Variants in DSCAML1 observed in about 807,000 individuals in gnomAD.
DSCAML1 encodes DS cell adhesion molecule like 1.
A neutral mutation model predicts 200.5 loss-of-function variants in DSCAML1; 38 were observed. That is an observed-to-expected ratio of 0.19 (90% CI 0.15 to 0.25). The LOEUF is 0.25. Ranked by LOEUF, DSCAML1 falls within the 10% of genes least tolerant of loss-of-function variation. The pLI, the probability that DSCAML1 is intolerant of heterozygous loss-of-function variation, is 1.00. For synonymous variants in DSCAML1, 1,215 were observed against 1,165.0 expected, an observed-to-expected ratio of 1.04 and a Z score of -0.87; for missense variants, 2,223 against 2,858.8, an observed-to-expected ratio of 0.78 and a Z score of 5.07.
chr11:117,692,579 C>T (rs925518333), intron 3 of DSCAML1, among the ~76,000 whole-genome samples: 29 of 152,188 alleles, frequency 1.9e-4, no homozygotes, highest in Admixed American at 7.8e-4. Flanking sequence ...TATGCAGACA[C>T]GTAGAGTCAT....
At chr11:117,738,594 G>A (rs991390622) in intron 3 of DSCAML1, among the ~76,000 whole-genome samples, 7 of 152,196 alleles carry the variant, frequency 4.6e-5, no homozygotes, top group African/African-American at 1.7e-4. Flanking sequence ...ATGGATGACT[G>A]GACTCATGCC....
chr11:117,716,743 T>C (rs1455748715), intron 3 of DSCAML1, among the ~76,000 whole-genome samples: 1 of 152,200 alleles, frequency 6.6e-6, no homozygotes, highest in Admixed American at 6.5e-5. Context: ...AGGAGATTAT[T>C]TCATGACACA....
At chr11:117,599,875 T>G (rs2051433096) in intron 3 of DSCAML1, among the ~76,000 whole-genome samples, 1 of 152,208 alleles carries the variant, frequency 6.6e-6, no homozygotes, top group Non-Finnish European at 1.5e-5. Flanking sequence ...CTGGCTGCCC[T>G]GACTCCAGGA....
intron 3 of DSCAML1, among the ~76,000 whole-genome samples, chr11:117,557,983 C>T (rs1273554212): frequency 6.6e-6 from 1 of 151,964 alleles, no homozygotes; most frequent in South Asian, 2.1e-4. Context: ...CCTACAAGCC[C>T]GGGATAGCAA....
In DSCAML1 at chr11:117,514,588, T is replaced by C. The variant is rs1420384497; in HGVS notation, c.1783+1879A>G. 1.2e-3 allele frequency among the ~76,000 whole-genome samples: 174 copies of C among 139,960 alleles called. 3 individuals are homozygous for C. Among genetic ancestry groups the C allele is most frequent in the Non-Finnish European group, 2.0e-3 (129 of 65,274 alleles). The allele number at this position is 139,960 out of a possible 152,430, so 91.8% of individuals were successfully genotyped here. A position where few individuals can be genotyped will look rare whatever the true frequency, so the allele number is the denominator to read the frequency against. On this transcript the variant is annotated intron_variant, in intron 8 of 32. Transcript: ENST00000651296. ...TTTCTTTTTCTTTTTTTTTTTTTTTTTTTTTTTTTTTGAGATGGAGTTTCA... is the reference window on the plus strand; with the variant it reads ...TTTCTTTTTCTTTTTTTTTTTTTTTCTTTTTTTTTTTGAGATGGAGTTTCA...
chr11:117,652,397 G>A (rs563270806), intron 3 of DSCAML1, among the ~76,000 whole-genome samples: 5 of 152,318 alleles, frequency 3.3e-5, no homozygotes, highest in South Asian at 2.1e-4. Context: ...ACTAGAGGGC[G>A]GCGTAGCCCC....
At chr11:117,681,954 A>G (rs1325664409) in intron 3 of DSCAML1, among the ~76,000 whole-genome samples, 1 of 152,170 alleles carries the variant, frequency 6.6e-6, no homozygotes, top group East Asian at 1.9e-4. Context: ...CCGCTTGGGA[A>G]CCACAGTGAA....
rs2048937797 is a variant in DSCAML1, at chr11:117,482,117, T to C, written c.2405A>G (p.Lys802Arg). ...TSHPNTTIAI[K>R]GHAKELNCTA... ...GCAGTTTAGCTCCTTCGCATGGCCCTTGATGGCGATGGTGGTGTTGGGGTG... is the reference window on the plus strand; with the variant it reads ...GCAGTTTAGCTCCTTCGCATGGCCCCTGATGGCGATGGTGGTGTTGGGGTG... Residue 802 changes from lysine (K) to arginine (R), a missense_variant, in exon 12 of 33, where the codon AAG becomes AGG. By Grantham distance (26) the Lys-to-Arg change is conservative. Transcript: ENST00000651296. 2 of 1,614,166 alleles carry C rather than the reference T, an allele frequency of 1.2e-6. No individual in the cohort carries two copies. Among genetic ancestry groups the C allele is most frequent in the East Asian group, 4.5e-5 (2 of 44,878 alleles).
At position 117,566,317 on chromosome 11, in the gene DSCAML1, C is replaced by CT. The variant is rs200509907; in HGVS notation, c.512-33796dup. On this transcript the variant is annotated intron_variant, in intron 3 of 32. Coordinates refer to ENST00000651296, the MANE Select transcript of DSCAML1 (RefSeq NM_020693.4). Reference sequence around the variant, plus strand: ...CCTACATCCTTTCTTTTCTTTCTGTCTCTCTTTCTCCCTTTCTTTTCTTTC... The same window carrying CT: ...CCTACATCCTTTCTTTTCTTTCTGTCTTCTCTTTCTCCCTTTCTTTTCTTTC... Among the ~76,000 whole-genome samples the CT allele has an allele frequency of 7.4e-3, 1,121 of 151,510 alleles. 11 individuals carry two copies. The highest frequency in any genetic ancestry group is 0.025 in the South Asian group (119 of 4,766).
chr11:117,595,059 T>TACACACACACACACACACACAC (rs374932790), intron 3 of DSCAML1, among the ~76,000 whole-genome samples: 7 of 143,814 alleles, frequency 4.9e-5, no homozygotes, highest in Non-Finnish European at 9.1e-5. Context: ...GTCTTTCTCT[T>TACACACACACACACACACACAC]ACACACACAC....
intron 18 of DSCAML1, among the ~76,000 whole-genome samples, chr11:117,461,220 A>C: frequency 6.9e-6 from 1 of 145,448 alleles, no homozygotes; most frequent in Non-Finnish European, 1.5e-5. Context: ...CCTGGCTCTG[A>C]CCCCAGTTGA....
intron 3 of DSCAML1, among the ~76,000 whole-genome samples, chr11:117,730,035 C>T (rs1212876222): frequency 6.6e-6 from 1 of 152,168 alleles, no homozygotes; most frequent in Non-Finnish European, 1.5e-5. Context: ...TCTATCTCTA[C>T]TAAAAATACA....
intron 8 of DSCAML1, among the ~76,000 whole-genome samples, chr11:117,513,244 G>C (rs2049681114): frequency 6.6e-6 from 1 of 152,170 alleles, no homozygotes; most frequent in Admixed American, 6.5e-5. Flanking sequence ...ACAGGGGCGG[G>C]GATGTGGGCT....
intron 11 of DSCAML1, among the ~76,000 whole-genome samples, chr11:117,486,280 G>A (rs940661705): frequency 9.1e-5 from 13 of 142,780 alleles, no homozygotes; most frequent in African/African-American, 2.3e-4. Flanking sequence ...GGAAAGTGGC[G>A]GATGTGAAAA....
rs768685952 is a variant in DSCAML1, at chr11:117,704,162, A to G, written c.511+72629T>C. On this transcript the variant is annotated intron_variant, in intron 3 of 32. Transcript: ENST00000651296. ...GAGGGAGGGAAGGAGGAAGGGCGGG[A>G]AGGAAGGAGGGAAGGACAGAATGAC... 8.0e-4 allele frequency among the ~76,000 whole-genome samples: 121 copies of G among 151,558 alleles called. 1 individual carries two copies. The highest frequency in any genetic ancestry group is 2.8e-3 in the Admixed American group (42 of 15,194).
intron 3 of DSCAML1, among the ~76,000 whole-genome samples, chr11:117,707,956 G>A (rs1302841529): frequency 6.6e-6 from 1 of 152,196 alleles, no homozygotes; most frequent in African/African-American, 2.4e-5. Context: ...AGAGGTTGAA[G>A]CAGAGACTGG....
chr11:117,789,019 C>A (rs989476782), intron 1 of DSCAML1, among the ~76,000 whole-genome samples: 1 of 152,220 alleles, frequency 6.6e-6, no homozygotes, highest in Non-Finnish European at 1.5e-5. Context: ...AGCAGCTCCC[C>A]ACCCTAGTCA....
chr11:117,716,038 T>G (rs1480769796), intron 3 of DSCAML1, among the ~76,000 whole-genome samples: 3 of 152,196 alleles, frequency 2.0e-5, no homozygotes, highest in African/African-American at 7.2e-5. Context: ...TAGCAGCGAT[T>G]TATCATGTTT....
chr11:117,618,656 C>T (rs1203092220), intron 3 of DSCAML1, among the ~76,000 whole-genome samples: 1 of 151,176 alleles, frequency 6.6e-6, no homozygotes, highest in Non-Finnish European at 1.5e-5. Context: ...CTTTATAGTG[C>T]CTTTAGGTTT....
Sources: allele counts gnomAD v4.1 joint callset (sites outside exome capture counted in the v4.1 genomes callset), GRCh38; gene constraint gnomAD v4.1.1; transcripts MANE v1.5; gene names NCBI Gene and HGNC (gene_info 2026-07-23, HGNC 2026-07-21).